The following CDH11 variants were observed in gnomAD, a reference collection of about 807,000 sequenced individuals.
CDH11 encodes cadherin 11.
A neutral mutation model predicts 67.8 loss-of-function variants in CDH11; 11 were observed. The observed-to-expected ratio is 0.16, with a 90% confidence interval of 0.10 to 0.27. CDH11 has a LOEUF of 0.27. Among genes scored for constraint, CDH11 ranks in the 10% least tolerant of loss-of-function variants. CDH11 has a pLI of 1.00. For synonymous variants in CDH11, 419 were observed against 400.0 expected, an observed-to-expected ratio of 1.05 and a Z score of -0.57; for missense variants, 847 against 1,031.2, an observed-to-expected ratio of 0.82 and a Z score of 2.45.
chr16:64,995,869 G>T (rs1200240199), intron 4 of CDH11, among the ~76,000 whole-genome samples: 1 of 152,118 alleles, frequency 6.6e-6, no homozygotes, highest in South Asian at 2.1e-4. Flanking sequence ...CTAGTATCCA[G>T]AATCTATAAG....
intron 11 of CDH11, among the ~76,000 whole-genome samples, chr16:64,958,603 G>A (rs1377609405): frequency 6.6e-6 from 1 of 152,044 alleles, no homozygotes; most frequent in East Asian, 1.9e-4. Flanking sequence ...CAAGCACATG[G>A]AAAATAACAG....
chr16:65,027,015 C>G (rs1307826499), intron 2 of CDH11, among the ~76,000 whole-genome samples: 1 of 152,064 alleles, frequency 6.6e-6, no homozygotes, highest in African/African-American at 2.4e-5. Flanking sequence ...TGCTTTGGTG[C>G]CCATGGAAAA....
intron 1 of CDH11, among the ~76,000 whole-genome samples, chr16:65,109,363 T>C (rs541700244): frequency 6.6e-6 from 1 of 152,296 alleles, no homozygotes; most frequent in Non-Finnish European, 1.5e-5. Flanking sequence ...AGCAAATTCC[T>C]TTCAAAGGTG....
At chr16:65,019,776 A>G (rs1355369818) in intron 2 of CDH11, among the ~76,000 whole-genome samples, 3 of 152,164 alleles carry the variant, frequency 2.0e-5, no homozygotes, top group Non-Finnish European at 2.9e-5. Flanking sequence ...ATTTTAGTCA[A>G]TTTGCTCACA....
At chr16:65,102,368 T>C (rs1440929586) in intron 1 of CDH11, among the ~76,000 whole-genome samples, 1 of 152,202 alleles carries the variant, frequency 6.6e-6, no homozygotes, top group Non-Finnish European at 1.5e-5. Flanking sequence ...GGATCATGTC[T>C]CTTGCAACAT....
chr16:65,110,514 C>T (rs1028575143), intron 1 of CDH11, among the ~76,000 whole-genome samples: 1 of 152,066 alleles, frequency 6.6e-6, no homozygotes, highest in African/African-American at 2.4e-5. Flanking sequence ...ACGGTTGTCC[C>T]CGCTGGACAT....
intron 8 of CDH11, among the ~76,000 whole-genome samples, chr16:64,975,250 C>T (rs2072130763): frequency 6.6e-6 from 1 of 152,172 alleles, no homozygotes; most frequent in South Asian, 2.1e-4. Context: ...TGCTGTTACA[C>T]ACTGAGAACA....
intron 1 of CDH11, among the ~76,000 whole-genome samples, chr16:65,079,425 A>C (rs1486616409): frequency 6.6e-6 from 1 of 152,168 alleles, no homozygotes. Flanking sequence ...CACACATTTA[A>C]ATGTATGCTT....
intron 1 of CDH11, among the ~76,000 whole-genome samples, chr16:65,105,308 A>T (rs1207381531): frequency 3.0e-4 from 46 of 152,162 alleles, no homozygotes; most frequent in Admixed American, 3.0e-3. Context: ...ATAGAGGGAG[A>T]CTGGGAAATA....
At chr16:65,090,685 T>A (rs570466398) in intron 1 of CDH11, among the ~76,000 whole-genome samples, 19 of 152,364 alleles carry the variant, frequency 1.2e-4, no homozygotes, top group African/African-American at 4.6e-4. Context: ...TTTCTATTCT[T>A]ACTTCATTTA....
chr16:65,063,380 A>G (rs892436631), intron 1 of CDH11, among the ~76,000 whole-genome samples: 1 of 152,248 alleles, frequency 6.6e-6, no homozygotes, highest in African/African-American at 2.4e-5. Flanking sequence ...GTCAACAGCT[A>G]TGTGGAGCTG....
rs373916265 is a variant in CDH11, at chr16:64,992,425, T to C, written c.643+490A>G. ...AGAGTGAACCAAATCGGTTAAAATA[T>C]ATACAATGCTCATATAAGCACATAC... On this transcript the variant is annotated intron_variant, in intron 5 of 12. Coordinates refer to ENST00000268603, the MANE Select transcript of CDH11 (RefSeq NM_001797.4). 1.1e-3 allele frequency among the ~76,000 whole-genome samples: 172 copies of C among 152,370 alleles called. 1 individual carries two copies. The highest frequency in any genetic ancestry group is 2.9e-3 in the South Asian group (14 of 4,830).
intron 11 of CDH11, among the ~76,000 whole-genome samples, chr16:64,967,386 T>C (rs1014474153): frequency 6.6e-6 from 1 of 152,034 alleles, no homozygotes; most frequent in Non-Finnish European, 1.5e-5. Flanking sequence ...GCCCAGCTAA[T>C]TTTTTTGTGT....
chr16:64,972,074 C>G lies in CDH11; in HGVS notation c.1391-10G>C. 1 of 1,612,956 alleles carries G rather than the reference C, an allele frequency of 6.2e-7. No individual in the cohort carries two copies. Among genetic ancestry groups the G allele is most frequent in the Non-Finnish European group, 8.5e-7 (1 of 1,179,090 alleles). On this transcript the variant is annotated splice_polypyrimidine_tract_variant and intron_variant, in intron 9 of 12. Coordinates refer to ENST00000268603, the MANE Select transcript of CDH11 (RefSeq NM_001797.4). ...TCCTGATGCCGATTGTCTGGGAAGA[C>G]AGAATGCAGACAGTCAAGAAAGGTC...
In CDH11 at chr16:65,025,800, T is replaced by C. The variant is rs77954445; in HGVS notation, c.-172-20759A>G. Among the ~76,000 whole-genome samples, 643 of 152,314 alleles carry C rather than the reference T, an allele frequency of 4.2e-3. 5 individuals carry two copies. The highest frequency in any genetic ancestry group is 0.014 in the African/African-American group (600 of 41,576). ...CTGCAGCAGGTTCATTTCAGGTACA[T>C]AGGCATCCTTGTTTATCCCAGAACC... On this transcript the variant is annotated intron_variant, in intron 2 of 12. Coordinates refer to ENST00000268603, the MANE Select transcript of CDH11 (RefSeq NM_001797.4).
rs542356679 is a variant in CDH11, at chr16:65,049,054, A to C, written c.-173+4750T>G. ...ATAATAGACACTGGGGACTCCAAAA[A>C]GGGAGGAGGAGGGTTGAAAAACTAC... On this transcript the variant is annotated intron_variant, in intron 2 of 12. Transcript: ENST00000268603. Among the ~76,000 whole-genome samples the C allele has an allele frequency of 5.3e-5, 8 of 152,272 alleles. No homozygotes were observed. In the South Asian group the frequency reaches 1.5e-3, roughly 28 times the overall value.
At chr16:65,085,055 A>T (rs1000738075) in intron 1 of CDH11, among the ~76,000 whole-genome samples, 1 of 152,210 alleles carries the variant, frequency 6.6e-6, no homozygotes, top group Admixed American at 6.5e-5. Context: ...GATTACAGGC[A>T]CCTGCCACCA....
At chr16:65,102,450 CTT>C (rs1470975116) in intron 1 of CDH11, among the ~76,000 whole-genome samples, 1 of 152,246 alleles carries the variant, frequency 6.6e-6, no homozygotes, top group East Asian at 1.9e-4. Context: ...GAAACTCTTA[CTT>C]TGGAGAATCC....
chr16:65,016,658 T>C (rs2073316639), intron 2 of CDH11, among the ~76,000 whole-genome samples: 2 of 152,158 alleles, frequency 1.3e-5, no homozygotes, highest in African/African-American at 4.8e-5. Context: ...AACCCAAAAA[T>C]GGGGTTCAGC....
Sources: gnomAD v4.1 joint callset for allele counts (sites outside exome capture counted in the v4.1 genomes callset) on GRCh38, gnomAD v4.1.1 for gene constraint, MANE v1.5 for transcripts, NCBI Gene and HGNC (gene_info 2026-07-23, HGNC 2026-07-21) for gene names.